Variants in HOOK1 observed in about 807,000 individuals in gnomAD.
HOOK1 encodes the protein hook microtubule tethering protein 1.
HOOK1 carries 60 observed loss-of-function variants against 112.8 expected under a neutral mutation model. That is an observed-to-expected ratio of 0.53 (90% CI 0.43 to 0.66). The LOEUF is 0.66. Ranked by LOEUF, HOOK1 falls within the 30% of genes least tolerant of loss-of-function variation. The pLI, the probability that HOOK1 is intolerant of heterozygous loss-of-function variation, is 0.00. For missense variants in HOOK1, 770 were observed against 856.0 expected (o/e 0.90, Z 1.25); for synonymous variants, 294 against 283.8 (o/e 1.04, Z -0.36).
intron 7 of HOOK1, among the ~76,000 whole-genome samples, chr1:59,837,292 GA>G (rs768870180): frequency 3.3e-5 from 5 of 152,172 alleles, no homozygotes; most frequent in Admixed American, 6.6e-5. Flanking sequence ...TGATATTGAA[GA>G]AATAGCTCAA....
intron 5 of HOOK1, among the ~76,000 whole-genome samples, chr1:59,834,922 G>A (rs1475665076): frequency 1.3e-5 from 2 of 151,760 alleles, no homozygotes; most frequent in Non-Finnish European, 2.9e-5. Flanking sequence ...ATTTTAAGTG[G>A]TAATTTTGCC....
chr1:59,868,326 AAG>A lies in HOOK1; in HGVS notation c.1928_1929del (p.Arg643LysfsTer3). On this transcript the variant is annotated frameshift_variant, in exon 20 of 22. Coordinates refer to ENST00000371208, the MANE Select transcript of HOOK1 (RefSeq NM_015888.6). LOFTEE classifies it high-confidence loss of function. ...CTACTAAGAAAGCAGTTGGCAGAGAAAGAGAGAAGAATTGAGATTCTGGAGGT... is the reference window on the plus strand; with the variant it reads ...CTACTAAGAAAGCAGTTGGCAGAGAAAGAGAAGAATTGAGATTCTGGAGGT... The A allele has an allele frequency of 2.5e-6, 4 of 1,605,354 alleles. No individual in the cohort carries two copies. The highest frequency in any genetic ancestry group is 2.6e-6 in the Non-Finnish European group (3 of 1,172,860).
intron 7 of HOOK1, 81 bp downstream of exon 7, chr1:59,837,016 G>T (rs2098398194): frequency 1.2e-6 from 1 of 845,832 alleles, no homozygotes; most frequent in Non-Finnish European, 1.9e-6. Flanking sequence ...GGCTTACAAA[G>T]AGAGCATATA....
chr1:59,867,097 G>A (rs183715710), intron 19 of HOOK1, among the ~76,000 whole-genome samples: 14 of 152,236 alleles, frequency 9.2e-5, no homozygotes, highest in Non-Finnish European at 1.6e-4. Context: ...ACAGTTGCTT[G>A]CTTTCATAAA....
Position 59,829,941 on chromosome 1 carries a change from T to C in HOOK1, c.222+1089T>C, listed in dbSNP as rs183459220. Among the ~76,000 whole-genome samples the C allele has an allele frequency of 7.9e-3, 1,197 of 152,222 alleles. 17 individuals are homozygous for C. Among genetic ancestry groups the C allele is most frequent in the African/African-American group, 0.027 (1,123 of 41,574 alleles). ...AGTTCAAAATATTTGGTAATTTCCC[T>C]TATAAAGTTTTCTCCTTTGACCTAT... On this transcript the variant is annotated intron_variant, in intron 3 of 21. Transcript: ENST00000371208.
In HOOK1 at chr1:59,836,995, T is replaced by C. The variant is rs2098398175; in HGVS notation, c.537+60T>C. ...GCAATGTTAGGGTTTCTTTGCCAAT[T>C]ACTCTCATAAGGCTTACAAAGAGAG... On this transcript the variant is annotated intron_variant, in intron 7 of 21. Coordinates refer to ENST00000371208, the MANE Select transcript of HOOK1 (RefSeq NM_015888.6). 7.6e-6 allele frequency: 8 copies of C among 1,059,234 alleles called. No homozygotes were observed. The South Asian group carries it at 1.1e-4, about 15-fold the overall frequency. 65.6% of individuals were successfully genotyped at this position (1,059,234 alleles called of 1,614,324 possible). A position where few individuals can be genotyped will look rare whatever the true frequency, so the allele number is the denominator to read the frequency against.
At chr1:59,867,940 C>T (rs888687969) in intron 19 of HOOK1, among the ~76,000 whole-genome samples, 3 of 152,090 alleles carry the variant, frequency 2.0e-5, no homozygotes, top group Admixed American at 1.3e-4. Flanking sequence ...TATTTCAAGA[C>T]TTTAATGCCT....
chr1:59,852,964 T>G (rs952520219), intron 12 of HOOK1, among the ~76,000 whole-genome samples: 1 of 151,996 alleles, frequency 6.6e-6, no homozygotes, highest in Non-Finnish European at 1.5e-5. Context: ...ATTGATTTAT[T>G]TAATTCCATT....
chr1:59,851,079 GT>G (rs2098406918), intron 12 of HOOK1, among the ~76,000 whole-genome samples: 1 of 151,520 alleles, frequency 6.6e-6, no homozygotes, highest in Non-Finnish European at 1.5e-5. Flanking sequence ...GATTACTGTA[GT>G]TTTGTAGTTA....
chr1:59,844,969 T>C (rs935084925), intron 9 of HOOK1, among the ~76,000 whole-genome samples: 6 of 152,006 alleles, frequency 3.9e-5, no homozygotes, highest in Non-Finnish European at 8.8e-5. Flanking sequence ...CTAAATTCAC[T>C]TATTGAGCTG....
At chr1:59,827,601 G>A (rs2098390919) in intron 2 of HOOK1, among the ~76,000 whole-genome samples, 1 of 152,154 alleles carries the variant, frequency 6.6e-6, no homozygotes, top group Admixed American at 6.5e-5. Flanking sequence ...TCTGGGAATA[G>A]TTGAGCACAA....
chr1:59,845,594 T>C (rs2098403339), intron 9 of HOOK1, among the ~76,000 whole-genome samples: 1 of 151,674 alleles, frequency 6.6e-6, no homozygotes, highest in Non-Finnish European at 1.5e-5. Flanking sequence ...TTTTCAATCA[T>C]GATTAGCTGT....
Position 59,875,533 on chromosome 1 carries a change from A to G in HOOK1, c.*2568A>G, listed in dbSNP as rs12756232. On this transcript the variant is annotated 3_prime_UTR_variant, in exon 22 of 22. Coordinates refer to ENST00000371208, the MANE Select transcript of HOOK1 (RefSeq NM_015888.6). The stretch of plus-strand genomic sequence containing the variant: ...CATTATAAACATTTCATCTTGAACC[A>G]TGATTTATACACATCTGTGTTATAA... 7,290 of 152,672 alleles carry G rather than the reference A, an allele frequency of 0.048. 409 individuals are homozygous for G. The highest frequency in any genetic ancestry group is 0.13 in the African/African-American group (5,505 of 41,546). The allele number at this position is 152,672 out of a possible 1,614,324, so 9.5% of individuals were successfully genotyped here. A position where few individuals can be genotyped will look rare whatever the true frequency, so the allele number is the denominator to read the frequency against.
rs1190434304 is a variant in HOOK1 at position 59,833,511 on chromosome 1, G to A, written c.380G>A (p.Cys127Tyr). Residue 127 changes from cysteine to tyrosine, a missense_variant, in exon 5 of 22, where the codon TGT (cysteine) becomes TAT (tyrosine). Physicochemically the swap from Cys to Tyr is radical, Grantham distance 194 (BLOSUM62 -2). Transcript: ENST00000371208. ...AGGTTGCTCCAGCTTATTTTAGGTT[G>A]TGCGATCAACTGTGAAAAGAAGCAA... ...LGRLLQLILG[C>Y]AINCEKKQEH... The A allele has an allele frequency of 6.3e-7, 1 of 1,580,088 alleles. No individual in the cohort carries two copies. Among genetic ancestry groups the A allele is most frequent in the East Asian group, 2.3e-5 (1 of 44,354 alleles).
chr1:59,839,033 C>T (rs2098399542), intron 7 of HOOK1, among the ~76,000 whole-genome samples: 1 of 152,076 alleles, frequency 6.6e-6, no homozygotes, highest in Non-Finnish European at 1.5e-5. Flanking sequence ...TTTCTGAGGG[C>T]CCTGTTCTGT....
intron 1 of HOOK1, among the ~76,000 whole-genome samples, chr1:59,815,713 C>A (rs374259107): frequency 2.6e-5 from 4 of 151,906 alleles, no homozygotes; most frequent in Admixed American, 6.6e-5. Context: ...CTAGAACATC[C>A]GATTTTGTAG....
At chr1:59,828,625 C>T (rs765572727) in intron 2 of HOOK1, among the ~76,000 whole-genome samples, 155 bp from the exon 3 acceptor site, 142 of 152,040 alleles carry the variant, frequency 9.3e-4, no homozygotes, top group Non-Finnish European at 1.6e-3. Flanking sequence ...ACTTAAATAA[C>T]TTAATATGAT....
At position 59,848,335 on chromosome 1, in the gene HOOK1, A is replaced by G. The variant is rs2098405299; in HGVS notation, c.950A>G (p.Asn317Ser). 2 of 1,610,634 alleles carry G rather than the reference A, an allele frequency of 1.2e-6. No homozygotes were observed. The highest frequency in any genetic ancestry group is 2.2e-5 in the East Asian group (1 of 44,748). Residue 317 changes from asparagine to serine, a missense_variant, in exon 11 of 22, where the codon AAT (asparagine) becomes AGT (serine). Asn to Ser is a conservative substitution (Grantham distance 46, BLOSUM62 1). Coordinates refer to ENST00000371208, the MANE Select transcript of HOOK1 (RefSeq NM_015888.6). The part of the protein sequence containing the change: ...DVLRATSDKA[N>S]KLESTVEIYR... ...TATAGGGCTACCTCTGATAAAGCAA[A>G]TAAACTGGAGTCAACAGTTGAGATA...
chr1:59,871,959 C>G (rs993791759), intron 21 of HOOK1, among the ~76,000 whole-genome samples: 13 of 152,194 alleles, frequency 8.5e-5, no homozygotes, highest in African/African-American at 3.1e-4. Flanking sequence ...TCAGAACTTT[C>G]TCTCATGAGT....
Sources: gnomAD v4.1 joint callset for allele counts (sites outside exome capture counted in the v4.1 genomes callset) on GRCh38, gnomAD v4.1.1 for gene constraint, MANE v1.5 for transcripts, NCBI Gene and HGNC (gene_info 2026-07-23, HGNC 2026-07-21) for gene names.